Variants in VPS37A observed in about 807,000 individuals in gnomAD.
VPS37A encodes VPS37A subunit of ESCRT-I, also known as vacuolar protein sorting-associated protein 37A.
In VPS37A, 30 loss-of-function variants were observed where a neutral mutation model predicts 49.8. The observed-to-expected ratio is 0.60, with a 90% confidence interval of 0.45 to 0.82. The LOEUF is 0.82. VPS37A is among the 40% of genes least tolerant of loss of function. The probability of loss-of-function intolerance (pLI) is 0.00; values close to 1 mark genes in which losing one functional copy is unlikely to be tolerated. For missense variants in VPS37A, 593 were observed against 464.4 expected, an observed-to-expected ratio of 1.28 and a Z score of -2.55; for synonymous variants, 195 against 160.6, an observed-to-expected ratio of 1.21 and a Z score of -1.62.
intron 1 of VPS37A, among the ~76,000 whole-genome samples, chr8:17,253,363 T>C (rs1301643652): frequency 1.3e-5 from 2 of 152,226 alleles, no homozygotes; most frequent in Non-Finnish European, 2.9e-5. Flanking sequence ...CAGAGTAATC[T>C]TTCTAAAATT....
chr8:17,304,477 C>T, downstream of VPS37A: 2 of 1,614,012 alleles, frequency 1.2e-6, no homozygotes, highest in Non-Finnish European at 1.7e-6. Context: ...CGGCCCGATT[C>T]TTCCACAGGT....
intron 2 of VPS37A, among the ~76,000 whole-genome samples, chr8:17,267,006 C>T (rs911557255): frequency 5.3e-5 from 8 of 152,052 alleles, no homozygotes; most frequent in Admixed American, 4.6e-4. Flanking sequence ...CTCCTGACCT[C>T]GTGATACACC....
rs560187089 is a variant in VPS37A, at chr8:17,274,300, T to C, written c.417-433T>C. 2.6e-5 allele frequency among the ~76,000 whole-genome samples: 4 copies of C among 152,384 alleles called. No individual in the cohort carries two copies. In the South Asian group the frequency reaches 8.3e-4, roughly 32 times the overall value. ...TTCGAAATTTTCTAGAAAAGCAGTC[T>C]TGACTTTCAGTCAGATTTTGACAAA... On this transcript the variant is annotated intron_variant, in intron 4 of 11. Coordinates refer to ENST00000324849, the MANE Select transcript of VPS37A (RefSeq NM_152415.3).
In VPS37A at chr8:17,276,399, A is replaced by C. The variant is rs774217076; in HGVS notation, c.645A>C (p.Thr215=). The change falls in exon 6 of 12, where the codon ACA becomes ACC. Residue 215 remains threonine (T), a splice_region_variant and synonymous_variant. Transcript: ENST00000324849. ...PIPTVDASIP[T]SQNGFGYKMP... ...TATCATTTAAAACTTTTCTTTAGACAAGCCAAAATGGTTTTGGGTACAAGA... is the reference window on the plus strand; with the variant it reads ...TATCATTTAAAACTTTTCTTTAGACCAGCCAAAATGGTTTTGGGTACAAGA... 4.3e-6 allele frequency: 7 copies of C among 1,611,222 alleles called. No individual in the cohort carries two copies. The highest frequency in any genetic ancestry group is 8.5e-7 in the Non-Finnish European group (1 of 1,179,014).
In VPS37A at chr8:17,296,847, C is replaced by G. The variant is rs1816684117; in HGVS notation, c.*1861C>G. 6.6e-6 allele frequency: 1 copy of G among 152,252 alleles called. No homozygotes were observed. Among genetic ancestry groups the G allele is most frequent in the African/African-American group, 2.4e-5 (1 of 41,556 alleles). 9.4% of individuals were successfully genotyped at this position (152,252 alleles called of 1,614,324 possible). A position where few individuals can be genotyped will look rare whatever the true frequency, so the allele number is the denominator to read the frequency against. On this transcript the variant is annotated 3_prime_UTR_variant, in exon 12 of 12. Transcript: ENST00000324849. ...AAAGTTGAACTATCCCAGTTTCATTCTATACCATTCATTGGATAACCTTGT... is the reference window on the plus strand; with the variant it reads ...AAAGTTGAACTATCCCAGTTTCATTGTATACCATTCATTGGATAACCTTGT...
intron 2 of VPS37A, 78 bp from the exon 3 acceptor site, chr8:17,268,180 C>A: frequency 1.0e-6 from 1 of 974,608 alleles, no homozygotes; most frequent in South Asian, 1.6e-5. Context: ...TTTTAAATAG[C>A]TTTGTTTTAA....
the VPS37A span, among the ~76,000 whole-genome samples, chr8:17,323,282 C>T: frequency 6.6e-6 from 1 of 152,056 alleles, no homozygotes; most frequent in Non-Finnish European, 1.5e-5. Flanking sequence ...GAGTAATGGG[C>T]TCAGATGCTA....
At chr8:17,286,111 G>A (rs1815562211) in intron 10 of VPS37A, among the ~76,000 whole-genome samples, 1 of 152,128 alleles carries the variant, frequency 6.6e-6, no homozygotes, top group South Asian at 2.1e-4. Flanking sequence ...GAAAGAAGAT[G>A]ACAGGCATGT....
rs769435598 is a variant in VPS37A at position 17,247,253 on chromosome 8, G to T, written c.9G>T (p.Trp3Cys). The change falls in exon 1 of 12, where the codon TGG (tryptophan) becomes TGT (cysteine). Residue 3 changes from tryptophan to cysteine, a missense_variant. Coordinates refer to ENST00000324849, the MANE Select transcript of VPS37A (RefSeq NM_152415.3). Reference protein sequence around the residue: MSWLFPLTKSASS... With the variant: MSCLFPLTKSASS... ...CCGTGGACCCGAGGAGGATGAGCTG[G>T]CTTTTTCCCCTGACCAAGAGCGCCT... 2 of 1,571,142 alleles carry T rather than the reference G, an allele frequency of 1.3e-6. No individual in the cohort carries two copies. The highest frequency in any genetic ancestry group is 2.3e-5 in the South Asian group (2 of 85,480).
At chr8:17,307,403 T>C (rs1167701744), downstream of VPS37A, among the ~76,000 whole-genome samples, 2 of 152,146 alleles carry the variant, frequency 1.3e-5, no homozygotes, top group African/African-American at 4.8e-5. Context: ...CTGGAGAGGA[T>C]GTGAAGAAAT....
At chr8:17,309,569 T>G in the VPS37A span, among the ~76,000 whole-genome samples, 1 of 152,230 alleles carries the variant, frequency 6.6e-6, no homozygotes, top group Non-Finnish European at 1.5e-5. Flanking sequence ...CCCCACCCGC[T>G]GAATGCTTCC....
At chr8:17,264,179 A>T (rs965405177) in intron 1 of VPS37A, among the ~76,000 whole-genome samples, 2 of 152,182 alleles carry the variant, frequency 1.3e-5, no homozygotes, top group East Asian at 3.9e-4. Context: ...GACAGTAAAT[A>T]AATGGTAAAG....
chr8:17,261,267 T>G (rs539889332), intron 1 of VPS37A, among the ~76,000 whole-genome samples: 2 of 152,342 alleles, frequency 1.3e-5, no homozygotes, highest in South Asian at 4.1e-4. Context: ...GAGCCTCTAA[T>G]GTATTTCAGT....
intron 11 of VPS37A, among the ~76,000 whole-genome samples, chr8:17,290,899 G>C (rs1397325305): frequency 1.3e-5 from 2 of 151,998 alleles, no homozygotes; most frequent in Non-Finnish European, 2.9e-5. Context: ...TGGTTGGGAG[G>C]ATGTATGTGT....
the VPS37A span, among the ~76,000 whole-genome samples, chr8:17,312,794 G>T: frequency 6.6e-6 from 1 of 151,932 alleles, no homozygotes; most frequent in Non-Finnish European, 1.5e-5. Context: ...ATAAATCCAA[G>T]GTATTTATTT....
At chr8:17,259,910 G>C (rs142276195) in intron 1 of VPS37A, among the ~76,000 whole-genome samples, 33 of 152,152 alleles carry the variant, frequency 2.2e-4, no homozygotes, top group African/African-American at 7.7e-4. Flanking sequence ...TTGGTTTCCA[G>C]TTGCATGAAA....
intron 1 of VPS37A, among the ~76,000 whole-genome samples, chr8:17,250,434 T>C (rs1451564733): frequency 6.6e-6 from 1 of 152,218 alleles, no homozygotes; most frequent in Non-Finnish European, 1.5e-5. Flanking sequence ...AGTGTGTTTT[T>C]TCCTATGAAC....
chr8:17,311,650 G>A, the VPS37A span: 4 of 1,613,782 alleles, frequency 2.5e-6, no homozygotes, highest in Admixed American at 3.3e-5. Context: ...GAAAACACAC[G>A]ATCCGCAAAG....
intron 9 of VPS37A, among the ~76,000 whole-genome samples, chr8:17,283,694 G>C (rs1023829588): frequency 6.6e-6 from 1 of 152,048 alleles, no homozygotes; most frequent in Non-Finnish European, 1.5e-5. Context: ...TGTCTATTCT[G>C]TTCCATTGTT....
Sources: gnomAD v4.1 joint callset for allele counts (sites outside exome capture counted in the v4.1 genomes callset) on GRCh38, gnomAD v4.1.1 for gene constraint, MANE v1.5 for transcripts, NCBI Gene and HGNC (gene_info 2026-07-23, HGNC 2026-07-21) for gene names.